ALPK1: variants seen among roughly 807,000 people sequenced by gnomAD.
The protein encoded by ALPK1 is alpha kinase 1.
Under a neutral mutation model 120.6 loss-of-function variants are expected in ALPK1, and 110 were observed. The ratio of observed to expected loss-of-function variants is 0.91; its 90% CI spans 0.78 to 1.07. ALPK1 has a LOEUF of 1.07. ALPK1 is among the 50% of genes least tolerant of loss of function. The pLI, the probability that ALPK1 is intolerant of heterozygous loss-of-function variation, is 0.00. For missense variants in ALPK1, 1,498 were observed against 1,483.9 expected, an observed-to-expected ratio of 1.01 and a Z score of -0.16; for synonymous variants, 582 against 560.3, an observed-to-expected ratio of 1.04 and a Z score of -0.55.
At chr4:112,322,779 A>T (rs1430332929) in intron 2 of ALPK1, among the ~76,000 whole-genome samples, 2 of 152,226 alleles carry the variant, frequency 1.3e-5, no homozygotes, top group African/African-American at 4.8e-5. Context: ...CTCAAGAACG[A>T]ATTAAGTTCT....
At chr4:112,323,496 T>G (rs1728956519) in intron 2 of ALPK1, among the ~76,000 whole-genome samples, 1 of 152,192 alleles carries the variant, frequency 6.6e-6, no homozygotes, top group Non-Finnish European at 1.5e-5. Context: ...TTTTGGTTAA[T>G]TTGCATTATT....
intron 2 of ALPK1, among the ~76,000 whole-genome samples, chr4:112,323,492 T>G (rs1446241166): frequency 2.0e-5 from 3 of 152,208 alleles, no homozygotes; most frequent in Non-Finnish European, 4.4e-5. Flanking sequence ...AAAATTTTGG[T>G]TAATTTGCAT....
At chr4:112,351,997 T>C (rs1355295396) in intron 2 of ALPK1, among the ~76,000 whole-genome samples, 1 of 152,198 alleles carries the variant, frequency 6.6e-6, no homozygotes, top group Non-Finnish European at 1.5e-5. Flanking sequence ...CATCCAGCAA[T>C]TCCAAATCCT....
intron 6 of ALPK1, chr4:112,425,418 C>A (rs1338517311): frequency 6.8e-6 from 2 of 294,650 alleles, no homozygotes; most frequent in Non-Finnish European, 1.3e-5. Flanking sequence ...GAGGCCAGCC[C>A]TATAACAAGG....
chr4:112,430,516 A>G lies in ALPK1; in HGVS notation c.969A>G (p.Leu323=). 6.2e-7 allele frequency: 1 copy of G among 1,614,094 alleles called. No individual in the cohort carries two copies. Among genetic ancestry groups the G allele is most frequent in the Non-Finnish European group, 8.5e-7 (1 of 1,180,002 alleles). Residue 323 remains leucine (L), a synonymous_variant, in exon 11 of 16, where the codon TTA becomes TTG. Coordinates refer to ENST00000650871, the MANE Select transcript of ALPK1 (RefSeq NM_025144.4). The part of the protein sequence containing the change: ...SNDCPPELKN[L]HLCEAKEAFE... ...ACTGTCCTCCAGAATTGAAAAACTT[A>G]CATCTGTGTGAAGCCAAAGAGGCCT...
intron 2 of ALPK1, chr4:112,358,874 T>C: frequency 1.3e-6 from 1 of 776,842 alleles, no homozygotes; most frequent in South Asian, 1.3e-5. Context: ...ATGACTTTGC[T>C]GCCCTGGCGA....
At chr4:112,407,513 C>G (rs7681983) in intron 4 of ALPK1, among the ~76,000 whole-genome samples, 1 of 151,856 alleles carries the variant, frequency 6.6e-6, no homozygotes, top group African/African-American at 2.4e-5. Context: ...ATAAAAATAA[C>G]AGAGAGAGAG....
At chr4:112,376,154 A>C (rs891726211) in intron 2 of ALPK1, among the ~76,000 whole-genome samples, 1 of 152,198 alleles carries the variant, frequency 6.6e-6, no homozygotes. Flanking sequence ...ATAATGAAAA[A>C]TTTGAAACAT....
At chr4:112,402,650 G>A (rs917498700) in intron 4 of ALPK1, among the ~76,000 whole-genome samples, 3 of 152,172 alleles carry the variant, frequency 2.0e-5, no homozygotes, top group Non-Finnish European at 4.4e-5. Context: ...ACATGTGTTT[G>A]TGAGCCTCTC....
At chr4:112,400,928 T>A (rs752156817) in intron 4 of ALPK1, among the ~76,000 whole-genome samples, 8 of 152,094 alleles carry the variant, frequency 5.3e-5, no homozygotes, top group South Asian at 2.1e-4. Flanking sequence ...ATGTGTTTCA[T>A]CCACAGAAGG....
chr4:112,429,064 G>T, intron 9 of ALPK1, 85 bp from the exon 10 acceptor site: 1 of 1,271,104 alleles, frequency 7.9e-7, no homozygotes, highest in Non-Finnish European at 1.1e-6. Flanking sequence ...AATCATGAAA[G>T]AAAAGCAAAA....
At chr4:112,379,130 A>G (rs1212719361) in intron 3 of ALPK1, among the ~76,000 whole-genome samples, 1 of 152,050 alleles carries the variant, frequency 6.6e-6, no homozygotes, top group East Asian at 1.9e-4. Context: ...CCCTTTTACT[A>G]CACCACACCC....
chr4:112,424,208 A>C (rs1326488286), intron 6 of ALPK1, among the ~76,000 whole-genome samples: 1 of 151,756 alleles, frequency 6.6e-6, no homozygotes, highest in East Asian at 1.9e-4. Context: ...TAAAAAAAAA[A>C]ACAACAAAGA....
intron 2 of ALPK1, among the ~76,000 whole-genome samples, chr4:112,363,093 A>G (rs1730986407): frequency 6.6e-6 from 1 of 152,252 alleles, no homozygotes; most frequent in African/African-American, 2.4e-5. Context: ...GGAGCTCTAA[A>G]TCTTGAAACA....
chr4:112,332,776 T>C (rs1486332252), intron 2 of ALPK1, among the ~76,000 whole-genome samples: 1 of 152,230 alleles, frequency 6.6e-6, no homozygotes, highest in Admixed American at 6.5e-5. Flanking sequence ...TAAGCTTTTC[T>C]TCTGATTGTT....
chr4:112,400,191 T>G (rs1336637990), intron 4 of ALPK1, among the ~76,000 whole-genome samples: 1 of 152,138 alleles, frequency 6.6e-6, no homozygotes, highest in Non-Finnish European at 1.5e-5. Flanking sequence ...TACAACATGT[T>G]TGGATGCAGA....
chr4:112,352,332 C>T (rs927826464), intron 2 of ALPK1, among the ~76,000 whole-genome samples: 1 of 152,172 alleles, frequency 6.6e-6, no homozygotes, highest in Non-Finnish European at 1.5e-5. Context: ...CTTCTTCCTG[C>T]TCCCCTCAAA....
In ALPK1 at chr4:112,367,449, AC is replaced by A. The variant is rs886450904; in HGVS notation, c.-100-10228del. On this transcript the variant is annotated intron_variant, in intron 2 of 15. Coordinates refer to ENST00000650871, the MANE Select transcript of ALPK1 (RefSeq NM_025144.4). ...TTTTTTTTATGTAAAAAATGAAAAT[AC>A]AAAAAATATCAAAAAATAATACAAA... 4.3e-4 allele frequency among the ~76,000 whole-genome samples: 65 copies of A among 152,326 alleles called. 1 individual carries two copies. Among genetic ancestry groups the A allele is most frequent in the African/African-American group, 1.5e-3 (61 of 41,584 alleles).
intron 2 of ALPK1, among the ~76,000 whole-genome samples, chr4:112,320,377 C>A (rs1560635289): frequency 6.6e-6 from 1 of 152,224 alleles, no homozygotes; most frequent in Non-Finnish European, 1.5e-5. Context: ...ACTATCCCTG[C>A]ATCCCTGGTA....
Sources: allele counts gnomAD v4.1 joint callset (sites outside exome capture counted in the v4.1 genomes callset), GRCh38; gene constraint gnomAD v4.1.1; transcripts MANE v1.5; gene names NCBI Gene and HGNC (gene_info 2026-07-23, HGNC 2026-07-21).